The following YIPF5 variants were observed in gnomAD, a reference collection of about 807,000 sequenced individuals.
YIPF5 encodes protein YIPF5.
Under a neutral mutation model 30.4 loss-of-function variants are expected in YIPF5, and 8 were observed. The ratio of observed to expected loss-of-function variants is 0.26; its 90% CI spans 0.15 to 0.47. The LOEUF (loss-of-function observed/expected upper bound fraction) is 0.47, where lower values mean the gene tolerates loss of function less well. Among genes scored for constraint, YIPF5 ranks in the 20% least tolerant of loss-of-function variants. The pLI is 0.99. For missense variants in YIPF5, 282 were observed against 301.8 expected, an observed-to-expected ratio of 0.93 and a Z score of 0.49; for synonymous variants, 104 against 107.9, an observed-to-expected ratio of 0.96 and a Z score of 0.23.
chr5:144,161,352 T>G (rs1259987084), intron 5 of YIPF5, among the ~76,000 whole-genome samples: 1 of 145,290 alleles, frequency 6.9e-6, no homozygotes, highest in African/African-American at 2.5e-5. Flanking sequence ...TTTTTTTTTT[T>G]TTTTTTTTTG....
chr5:144,159,261 A>T lies in YIPF5; in HGVS notation c.*1136T>A, dbSNP rs775788596. 5.3e-4 allele frequency: 518 copies of T among 972,956 alleles called. 1 individual carries two copies. Among genetic ancestry groups the T allele is most frequent in the Non-Finnish European group, 6.0e-4 (489 of 818,764 alleles). The allele number at this position is 972,956 out of a possible 1,614,324, so 60.3% of individuals were successfully genotyped here. A position where few individuals can be genotyped will look rare whatever the true frequency, so the allele number is the denominator to read the frequency against. ...TAGTTTAGTAAAAGTAAATTCAATA[A>T]CACAGTTAAAATTAATTGGGAAAGT... On this transcript the variant is annotated 3_prime_UTR_variant, in exon 6 of 6. Transcript: ENST00000274496.
rs1213580214 is a variant in YIPF5, at chr5:144,159,528, C to T, written c.*869G>A. 1.5e-5 allele frequency: 15 copies of T among 985,198 alleles called. No individual in the cohort carries two copies. Among genetic ancestry groups the T allele is most frequent in the Non-Finnish European group, 1.6e-5 (13 of 829,928 alleles). The allele number at this position is 985,198 out of a possible 1,614,324, so 61.0% of individuals were successfully genotyped here. A position where few individuals can be genotyped will look rare whatever the true frequency, so the allele number is the denominator to read the frequency against. On this transcript the variant is annotated 3_prime_UTR_variant, in exon 6 of 6. Coordinates refer to ENST00000274496, the MANE Select transcript of YIPF5 (RefSeq NM_030799.9). ...GGTAGATTGTGAACTTCCCGTATCTCTGAATTTTAGCAAAAATTCCATGAG... is the reference window on the plus strand; with the variant it reads ...GGTAGATTGTGAACTTCCCGTATCTTTGAATTTTAGCAAAAATTCCATGAG...
chr5:144,169,809 A>G (rs1752315318), intron 2 of YIPF5, 37 bp downstream of exon 2: 1 of 1,540,348 alleles, frequency 6.5e-7, no homozygotes, highest in Non-Finnish European at 9.0e-7. Flanking sequence ...TTTCACTGCA[A>G]TGTAGACTAA....
At position 144,162,301 on chromosome 5, in the gene YIPF5, T is replaced by C. The variant is rs1472763925; in HGVS notation, c.528A>G (p.Ser176=). The C allele has an allele frequency of 1.2e-6, 2 of 1,613,908 alleles. No individual in the cohort carries two copies. Among genetic ancestry groups the C allele is most frequent in the African/African-American group, 1.3e-5 (1 of 74,900 alleles). ...LLNLMSMTGV[S]FGCVASVLGY... ...CAAGGACACTTGCCACACAACCAAA[T>C]GAAACACCTGTCATACTCATTAAGT... is the stretch of plus-strand genomic sequence containing the variant. The change falls in exon 5 of 6, where the codon TCA becomes TCG. Residue 176 remains serine (S), a synonymous_variant. Transcript: ENST00000274496.
chr5:144,164,574 CT>C (rs11327407), intron 3 of YIPF5, among the ~76,000 whole-genome samples: 10,094 of 143,822 alleles, frequency 0.07, 916 homozygotes, highest in African/African-American at 0.21. Flanking sequence ...TTCTTTCTTT[CT>C]TTTTTTTTTT....
At chr5:144,167,658 GT>G (rs66903766) in intron 2 of YIPF5, among the ~76,000 whole-genome samples, 22,307 of 151,808 alleles carry the variant, frequency 0.15, 1,819 homozygotes, top group Admixed American at 0.24. Context: ...TTTTGTTTTT[GT>G]TTTTTTGGTG....
intron 4 of YIPF5, among the ~76,000 whole-genome samples, chr5:144,163,450 G>T (rs907535009): frequency 6.6e-6 from 1 of 152,100 alleles, no homozygotes; most frequent in East Asian, 1.9e-4. Context: ...AGGTAAGAAG[G>T]ATAGGATTAT....
Position 144,159,702 on chromosome 5 carries a change from TCTC to T in YIPF5, c.*692_*694del, listed in dbSNP as rs1751972678. The T allele has an allele frequency of 3.1e-6, 3 of 963,908 alleles. No individual in the cohort carries two copies. Among genetic ancestry groups the T allele is most frequent in the African/African-American group, 3.9e-5 (2 of 50,940 alleles). The allele number at this position is 963,908 out of a possible 1,614,324, so 59.7% of individuals were successfully genotyped here. A position where few individuals can be genotyped will look rare whatever the true frequency, so the allele number is the denominator to read the frequency against. ...AAATATTTTTGCAGTAAGTCTTGTGTCTCCTTTTTTTTTTTTTTTTGAGACAGA... is the reference window on the plus strand; with the variant it reads ...AAATATTTTTGCAGTAAGTCTTGTGTCTTTTTTTTTTTTTTTTGAGACAGA... On this transcript the variant is annotated 3_prime_UTR_variant, in exon 6 of 6. Coordinates refer to ENST00000274496, the MANE Select transcript of YIPF5 (RefSeq NM_030799.9).
chr5:144,161,642 G>A (rs1752050524), intron 5 of YIPF5, among the ~76,000 whole-genome samples: 1 of 152,026 alleles, frequency 6.6e-6, no homozygotes, highest in Non-Finnish European at 1.5e-5. Flanking sequence ...AACCGTGCCT[G>A]GCCATACCTA....
chr5:144,158,285 CA>C lies in YIPF5; in HGVS notation c.*2111del. The C allele has an allele frequency of 1.9e-6, 1 of 525,518 alleles. No homozygotes were observed. Among genetic ancestry groups the C allele is most frequent in the African/African-American group, 2.1e-5 (1 of 47,610 alleles). 32.6% of individuals were successfully genotyped at this position (525,518 alleles called of 1,614,324 possible). On this transcript the variant is annotated 3_prime_UTR_variant, in exon 6 of 6. Coordinates refer to ENST00000274496, the MANE Select transcript of YIPF5 (RefSeq NM_030799.9). ...TAATCAAACTCTAGAACATCAAATGCAACTCCACTGCATAGCTGTTTTGACA... is the reference window on the plus strand; with the variant it reads ...TAATCAAACTCTAGAACATCAAATGCACTCCACTGCATAGCTGTTTTGACA...
chr5:144,163,800 G>T, intron 4 of YIPF5: 3 of 192,682 alleles, frequency 1.6e-5, no homozygotes, highest in Non-Finnish European at 2.1e-5. Context: ...TGTAAAAACT[G>T]TAAGTAACCT....
chr5:144,163,409 T>C (rs1752106973), intron 4 of YIPF5, among the ~76,000 whole-genome samples: 1 of 152,188 alleles, frequency 6.6e-6, no homozygotes, highest in African/African-American at 2.4e-5. Flanking sequence ...TCACATAACC[T>C]GTCTTGTTTC....
In YIPF5 at chr5:144,159,368, G is replaced by A. The variant is rs966228438; in HGVS notation, c.*1029C>T. ...AACTTTAAATATTTTCCTTAAAAAA[G>A]GTTAGTGATTTTTTTATTATTTTTG... On this transcript the variant is annotated 3_prime_UTR_variant, in exon 6 of 6. Transcript: ENST00000274496. 1.7e-5 allele frequency: 17 copies of A among 984,040 alleles called. No individual in the cohort carries two copies. The highest frequency in any genetic ancestry group is 6.2e-5 in the Admixed American group (1 of 16,256). 61.0% of individuals were successfully genotyped at this position (984,040 alleles called of 1,614,324 possible).
chr5:144,163,641 T>G (rs1398764629), intron 4 of YIPF5, among the ~76,000 whole-genome samples: 1 of 152,138 alleles, frequency 6.6e-6, no homozygotes, highest in Admixed American at 6.5e-5. Flanking sequence ...AACTTTTCTG[T>G]TTTCAATATG....
At chr5:144,161,329 C>T (rs989624412) in intron 5 of YIPF5, among the ~76,000 whole-genome samples, 2 of 134,834 alleles carry the variant, frequency 1.5e-5, no homozygotes, top group African/African-American at 5.6e-5. Flanking sequence ...TATACCTTTC[C>T]TTCCTTTTTT....
Position 144,162,198 on chromosome 5 carries a change from A to T in YIPF5, c.611+20T>A, listed in dbSNP as rs769398957. 4 of 1,607,120 alleles carry T rather than the reference A, an allele frequency of 2.5e-6. No homozygotes were observed. Among genetic ancestry groups the T allele is most frequent in the Non-Finnish European group, 3.4e-6 (4 of 1,177,104 alleles). On this transcript the variant is annotated intron_variant, in intron 5 of 5. Coordinates refer to ENST00000274496, the MANE Select transcript of YIPF5 (RefSeq NM_030799.9). Reference sequence around the variant, plus strand: ...CATAGAATTGGTCAATCAACCCCCAAAATAAAGAACAGTACTTACTGCAAA... The same window carrying T: ...CATAGAATTGGTCAATCAACCCCCATAATAAAGAACAGTACTTACTGCAAA...
chr5:144,159,291 A>G lies in YIPF5; in HGVS notation c.*1106T>C, dbSNP rs1238459494. 9.3e-6 allele frequency: 9 copies of G among 971,110 alleles called. No homozygotes were observed. The South Asian group carries it at 4.3e-4, about 46-fold the overall frequency. The allele number at this position is 971,110 out of a possible 1,614,324, so 60.2% of individuals were successfully genotyped here. ...GTTAAAATTAATTGGGAAAGTTTTA[A>G]TAAGCATTCAAATGTACTTTACATT... On this transcript the variant is annotated 3_prime_UTR_variant, in exon 6 of 6. Coordinates refer to ENST00000274496, the MANE Select transcript of YIPF5 (RefSeq NM_030799.9).
chr5:144,162,070 C>T (rs4329041), intron 5 of YIPF5, 148 bp downstream of exon 5: 167,737 of 770,926 alleles, frequency 0.22, 19,475 homozygotes, highest in East Asian at 0.37. Flanking sequence ...CATTGTTCTT[C>T]ATCCGAAACC....
At chr5:144,169,781 A>T in intron 2 of YIPF5, 65 bp downstream of exon 2, 2 of 1,362,260 alleles carry the variant, frequency 1.5e-6, no homozygotes, top group Middle Eastern at 1.8e-4. Flanking sequence ...GGCAGAACCA[A>T]ATATTCTAAA....
Sources: allele counts gnomAD v4.1 joint callset (sites outside exome capture counted in the v4.1 genomes callset), GRCh38; gene constraint gnomAD v4.1.1; transcripts MANE v1.5; gene names NCBI Gene and HGNC (gene_info 2026-07-23, HGNC 2026-07-21).